CCDC60: variants seen among roughly 807,000 people sequenced by gnomAD.
CCDC60 encodes coiled-coil domain containing 60, also known as coiled-coil domain-containing protein 60.
In CCDC60, 54 loss-of-function variants were observed where a neutral mutation model predicts 63.5. That is an observed-to-expected ratio of 0.85 (90% confidence interval 0.68 to 1.07). CCDC60 has a LOEUF of 1.07. CCDC60 is among the 50% of genes least tolerant of loss of function. CCDC60 has a pLI of 0.00. For synonymous variants in CCDC60, 206 were observed against 238.8 expected (o/e 0.86, Z 1.27); for missense variants, 651 against 684.3 (o/e 0.95, Z 0.54).
intron 8 of CCDC60, among the ~76,000 whole-genome samples, chr12:119,518,052 C>T (rs546622594): frequency 6.6e-5 from 10 of 152,250 alleles, no homozygotes; most frequent in East Asian, 1.9e-4. Flanking sequence ...CAGTTCACTG[C>T]GCACTTTCAC....
intron 6 of CCDC60, among the ~76,000 whole-genome samples, chr12:119,501,716 T>TA (rs932988535): frequency 9.2e-5 from 14 of 152,016 alleles, no homozygotes; most frequent in Admixed American, 3.3e-4. Context: ...TACAAACCTT[T>TA]AAAAAAAGTC....
intron 2 of CCDC60, among the ~76,000 whole-genome samples, chr12:119,436,722 T>C (rs1416923221): frequency 6.6e-6 from 1 of 152,092 alleles, no homozygotes; most frequent in Non-Finnish European, 1.5e-5. Flanking sequence ...GTATTTTTAG[T>C]AGAGATAGGG....
At chr12:119,508,601 G>A (rs573084694) in intron 7 of CCDC60, among the ~76,000 whole-genome samples, 4 of 152,294 alleles carry the variant, frequency 2.6e-5, no homozygotes, top group Non-Finnish European at 4.4e-5. Flanking sequence ...AAATTAGCAA[G>A]GGTGATCAAG....
intron 2 of CCDC60, among the ~76,000 whole-genome samples, chr12:119,465,126 A>G (rs1950928263): frequency 6.6e-6 from 1 of 151,946 alleles, no homozygotes; most frequent in South Asian, 2.1e-4. Flanking sequence ...CCTGGCTAAC[A>G]TGGTGAAACC....
At chr12:119,356,585 T>A (rs538950562) in intron 1 of CCDC60, among the ~76,000 whole-genome samples, 1 of 152,350 alleles carries the variant, frequency 6.6e-6, no homozygotes, top group Non-Finnish European at 1.5e-5. Flanking sequence ...AGTCCCCAGA[T>A]ACAGGCACTG....
chr12:119,383,248 A>G (rs575248631), intron 1 of CCDC60, among the ~76,000 whole-genome samples: 3 of 152,304 alleles, frequency 2.0e-5, no homozygotes, highest in South Asian at 2.1e-4. Context: ...CTCTACAAAA[A>G]TAAAATTAAA....
At chr12:119,458,719 TA>T (rs1566020853) in intron 2 of CCDC60, among the ~76,000 whole-genome samples, 1 of 151,990 alleles carries the variant, frequency 6.6e-6, no homozygotes, top group East Asian at 1.9e-4. Context: ...GAATGTCCAA[TA>T]GAGAGATTTG....
At chr12:119,452,715 T>C (rs1175923816) in intron 2 of CCDC60, among the ~76,000 whole-genome samples, 1 of 152,218 alleles carries the variant, frequency 6.6e-6, no homozygotes, top group East Asian at 1.9e-4. Flanking sequence ...ATGGTAGTAG[T>C]AATAGTTATT....
intron 1 of CCDC60, among the ~76,000 whole-genome samples, chr12:119,405,148 C>G (rs1377412015): frequency 6.6e-6 from 1 of 152,228 alleles, no homozygotes; most frequent in Non-Finnish European, 1.5e-5. Flanking sequence ...TCTCCTGTCT[C>G]CGTGCACACC....
intron 1 of CCDC60, among the ~76,000 whole-genome samples, chr12:119,392,965 G>C (rs1048753855): frequency 1.3e-5 from 2 of 151,954 alleles, no homozygotes; most frequent in Non-Finnish European, 2.9e-5. Flanking sequence ...GACCACCCTG[G>C]GCAACACGGC....
chr12:119,508,684 A>G lies in CCDC60; in HGVS notation c.883+3381A>G, dbSNP rs896025481. On this transcript the variant is annotated intron_variant, in intron 7 of 13. Transcript: ENST00000327554. ...AGCTGAGGAGGGAGGCAGGGGCCAGAGCACGCAGGGCCTTTGTGGAGCAAG... is the reference window on the plus strand; with the variant it reads ...AGCTGAGGAGGGAGGCAGGGGCCAGGGCACGCAGGGCCTTTGTGGAGCAAG... 5.9e-5 allele frequency among the ~76,000 whole-genome samples: 9 copies of G among 152,192 alleles called. 1 individual carries two copies. The highest frequency in any genetic ancestry group is 1.2e-4 in the Non-Finnish European group (8 of 68,044).
In CCDC60 at chr12:119,479,152, A is replaced by C. The variant is rs764868744; in HGVS notation, c.400A>C (p.Thr134Pro). Residue 134 changes from threonine (T) to proline (P), a missense_variant, in exon 4 of 14, where the codon ACT (threonine) becomes CCT (proline). Thr to Pro is a conservative substitution (Grantham distance 38, BLOSUM62 -1). Coordinates refer to ENST00000327554, the MANE Select transcript of CCDC60 (RefSeq NM_178499.5). ...AGCTAGAGTCACACGTCGCCCATTC[A>C]CTCCCATCCACAGCTGCATCATTTC... is the stretch of plus-strand genomic sequence containing the variant. ...LGARVTRRPFTPIHSCIISPS... is the reference protein window; with the variant it reads ...LGARVTRRPFPPIHSCIISPS... 1.9e-6 allele frequency: 3 copies of C among 1,613,804 alleles called. No individual in the cohort carries two copies. Among genetic ancestry groups the C allele is most frequent in the Non-Finnish European group, 2.5e-6 (3 of 1,179,930 alleles).
chr12:119,362,724 G>A (rs1417506433), intron 1 of CCDC60, among the ~76,000 whole-genome samples: 1 of 152,050 alleles, frequency 6.6e-6, no homozygotes, highest in Non-Finnish European at 1.5e-5. Flanking sequence ...AAATCTTCTT[G>A]GACATTCTTT....
At chr12:119,409,373 C>A (rs1294396852) in intron 1 of CCDC60, among the ~76,000 whole-genome samples, 1 of 152,074 alleles carries the variant, frequency 6.6e-6, no homozygotes, top group Admixed American at 6.6e-5. Context: ...CATCTACTTA[C>A]TAGATGCACC....
At chr12:119,366,935 C>T (rs1246086422) in intron 1 of CCDC60, among the ~76,000 whole-genome samples, 5 of 152,240 alleles carry the variant, frequency 3.3e-5, no homozygotes, top group East Asian at 1.9e-4. Flanking sequence ...CAGGTTCAAG[C>T]GATTCTCCTG....
intron 1 of CCDC60, among the ~76,000 whole-genome samples, chr12:119,399,986 T>G (rs1956359602): frequency 6.6e-6 from 1 of 152,048 alleles, no homozygotes; most frequent in South Asian, 2.1e-4. Flanking sequence ...AAAATGCTAC[T>G]AAGCTAGTGA....
intron 1 of CCDC60, among the ~76,000 whole-genome samples, chr12:119,424,483 G>A (rs557418887): frequency 7.9e-5 from 12 of 152,248 alleles, no homozygotes; most frequent in African/African-American, 2.4e-4. Flanking sequence ...AAACATCCTC[G>A]GGGATAAATC....
intron 12 of CCDC60, among the ~76,000 whole-genome samples, chr12:119,529,610 G>T (rs1389548409): frequency 6.6e-6 from 1 of 152,178 alleles, no homozygotes; most frequent in Non-Finnish European, 1.5e-5. Flanking sequence ...GGTCCCTGGA[G>T]TCTTTGCAGA....
intron 1 of CCDC60, among the ~76,000 whole-genome samples, chr12:119,418,876 A>G (rs12305355): frequency 0.012 from 1,772 of 152,276 alleles, 23 homozygotes; most frequent in African/African-American, 0.041. Flanking sequence ...TTCCTCTTTT[A>G]TGACATTGTT....
Sources: gnomAD v4.1 joint callset for allele counts (sites outside exome capture counted in the v4.1 genomes callset) on GRCh38, gnomAD v4.1.1 for gene constraint, MANE v1.5 for transcripts, NCBI Gene and HGNC (gene_info 2026-07-23, HGNC 2026-07-21) for gene names.